The following NPL variants were observed in gnomAD, a reference collection of about 807,000 sequenced individuals.
The protein encoded by NPL is N-acetylneuraminate pyruvate lyase.
NPL carries 32 observed loss-of-function variants against 41.1 expected under a neutral mutation model. The ratio of observed to expected loss-of-function variants is 0.78; its 90% CI spans 0.59 to 1.05. NPL has a LOEUF of 1.05. Ranked by LOEUF, NPL falls within the 50% of genes least tolerant of loss-of-function variation. NPL has a pLI of 0.00. For missense variants in NPL, 321 were observed against 378.4 expected, an observed-to-expected ratio of 0.85 and a Z score of 1.26; for synonymous variants, 128 against 134.9, an observed-to-expected ratio of 0.95 and a Z score of 0.35.
At chr1:182,790,850 C>T (rs1666492490) in intron 1 of NPL, among the ~76,000 whole-genome samples, 1 of 152,134 alleles carries the variant, frequency 6.6e-6, no homozygotes, top group Non-Finnish European at 1.5e-5. Context: ...GCCATGTTGG[C>T]CAGGCTGGTC....
At chr1:182,798,869 A>C (rs774217783) in intron 3 of NPL, among the ~76,000 whole-genome samples, 1 of 152,236 alleles carries the variant, frequency 6.6e-6, no homozygotes, top group Non-Finnish European at 1.5e-5. Context: ...CTCCCTGCTG[A>C]AAGAATTTTA....
At position 182,809,396 on chromosome 1, in the gene NPL, C is replaced by T. The variant is rs181573317; in HGVS notation, c.231-2760C>T. On this transcript the variant is annotated intron_variant, in intron 5 of 12. Transcript: ENST00000367553. ...TCTACTAAAAATACAAAAAAATAGC[C>T]GGACATGGTGGCAGGTACCTGTAAT... The T allele has an allele frequency of 2.9e-3, 822 of 281,268 alleles. 4 individuals are homozygous for T. The highest frequency in any genetic ancestry group is 4.8e-3 in the Non-Finnish European group (663 of 139,292). 17.4% of individuals were successfully genotyped at this position (281,268 alleles called of 1,614,324 possible).
chr1:182,817,953 C>G (rs1451926056), intron 8 of NPL, among the ~76,000 whole-genome samples: 3 of 152,130 alleles, frequency 2.0e-5, no homozygotes, highest in Non-Finnish European at 4.4e-5. Flanking sequence ...GTGATCAGCT[C>G]AATCTTTAGC....
At chr1:182,796,459 G>T (rs773818159) in intron 3 of NPL, among the ~76,000 whole-genome samples, 21 of 152,168 alleles carry the variant, frequency 1.4e-4, no homozygotes, top group Admixed American at 6.5e-5. Flanking sequence ...ACTGCCAGGT[G>T]ACCTGCCATT....
chr1:182,799,919 C>T (rs1414997112), intron 3 of NPL, among the ~76,000 whole-genome samples: 1 of 152,130 alleles, frequency 6.6e-6, no homozygotes, highest in Non-Finnish European at 1.5e-5. Flanking sequence ...GTTCTTGGGG[C>T]TCATGAAAGA....
intron 3 of NPL, among the ~76,000 whole-genome samples, chr1:182,800,263 C>G (rs529264991): frequency 2.0e-5 from 3 of 151,894 alleles, no homozygotes; most frequent in South Asian, 2.1e-4. Context: ...TGGTAAAACC[C>G]TGTCTCTACA....
intron 3 of NPL, among the ~76,000 whole-genome samples, chr1:182,797,021 T>A (rs1301155554): frequency 7.3e-6 from 1 of 137,856 alleles, no homozygotes; most frequent in African/African-American, 3.0e-5. Flanking sequence ...GGCAACAGAG[T>A]GAGAATATGT....
chr1:182,810,949 C>G (rs1028445520), intron 5 of NPL, among the ~76,000 whole-genome samples: 7 of 152,128 alleles, frequency 4.6e-5, no homozygotes, highest in Non-Finnish European at 1.0e-4. Context: ...GCTCAAGACT[C>G]TAACTCTGGG....
At chr1:182,792,823 C>T (rs1217638527) in intron 2 of NPL, among the ~76,000 whole-genome samples, 1 of 152,122 alleles carries the variant, frequency 6.6e-6, no homozygotes, top group African/African-American at 2.4e-5. Context: ...TTACCTGAGC[C>T]AAGACTCTTG....
At chr1:182,799,853 A>T (rs1272519924) in intron 3 of NPL, among the ~76,000 whole-genome samples, 1 of 152,178 alleles carries the variant, frequency 6.6e-6, no homozygotes, top group East Asian at 1.9e-4. Context: ...TGACTACAGC[A>T]AGCATGGAAT....
intron 4 of NPL, among the ~76,000 whole-genome samples, chr1:182,804,780 T>G (rs902198001): frequency 6.6e-6 from 1 of 152,208 alleles, no homozygotes; most frequent in African/African-American, 2.4e-5. Flanking sequence ...TTAAAACTTG[T>G]GTGGAAAAAG....
At chr1:182,799,780 C>T (rs565394530) in intron 3 of NPL, among the ~76,000 whole-genome samples, 4 of 144,656 alleles carry the variant, frequency 2.8e-5, no homozygotes, top group Admixed American at 6.9e-5. Context: ...CTAAACCCAA[C>T]GCAAAGAATC....
chr1:182,803,669 A>C (rs61010723), intron 3 of NPL, 29 bp from the exon 4 acceptor site: 150,303 of 1,442,674 alleles, frequency 0.1, 10,285 homozygotes, highest in African/African-American at 0.31. Flanking sequence ...AAAAGACTAA[A>C]TATGCCTTTT....
At chr1:182,816,121 C>T (rs1395690043) in intron 7 of NPL, among the ~76,000 whole-genome samples, 5 of 152,186 alleles carry the variant, frequency 3.3e-5, no homozygotes, top group Non-Finnish European at 7.3e-5. Context: ...AGTAGTGTTG[C>T]AGGCGAAGCT....
intron 12 of NPL, among the ~76,000 whole-genome samples, chr1:182,827,726 T>C (rs1245535665): frequency 1.3e-5 from 2 of 152,242 alleles, no homozygotes; most frequent in Non-Finnish European, 2.9e-5. Context: ...TTCAGAATTT[T>C]CTGTCATCTA....
At chr1:182,822,247 C>A in intron 11 of NPL, 48 bp downstream of exon 11, 1 of 1,274,446 alleles carries the variant, frequency 7.8e-7, no homozygotes, top group Non-Finnish European at 1.1e-6. Flanking sequence ...TTTTCTTCCC[C>A]ACTTGAGGAT....
chr1:182,809,405 T>C (rs1667113839), intron 5 of NPL: 2 of 283,934 alleles, frequency 7.0e-6, no homozygotes, highest in South Asian at 5.8e-5. Context: ...CCGGACATGG[T>C]GGCAGGTACC....
intron 5 of NPL, chr1:182,809,311 G>A (rs1667111164): frequency 2.6e-6 from 1 of 387,004 alleles, no homozygotes; most frequent in Non-Finnish European, 5.1e-6. Flanking sequence ...GGCCAAGGTA[G>A]GCAGATCACC....
Position 182,829,440 on chromosome 1 carries a change from C to T in NPL, c.*532C>T, listed in dbSNP as rs1667711909. ...GCTCAGTCTAACTCTAGAATGGATG[C>T]TTTTGAATTCATTTCGATGTCACCA... is the stretch of plus-strand genomic sequence containing the variant. On this transcript the variant is annotated 3_prime_UTR_variant, in exon 13 of 13. Coordinates refer to ENST00000367553, the MANE Select transcript of NPL (RefSeq NM_030769.3). 6 of 1,429,110 alleles carry T rather than the reference C, an allele frequency of 4.2e-6. No homozygotes were observed. Among genetic ancestry groups the T allele is most frequent in the Non-Finnish European group, 5.5e-6 (6 of 1,090,594 alleles). 88.5% of individuals were successfully genotyped at this position (1,429,110 alleles called of 1,614,324 possible).
Sources: gnomAD v4.1 joint callset for allele counts (sites outside exome capture counted in the v4.1 genomes callset) on GRCh38, gnomAD v4.1.1 for gene constraint, MANE v1.5 for transcripts, NCBI Gene and HGNC (gene_info 2026-07-23, HGNC 2026-07-21) for gene names.